HSPH1: variants seen among roughly 807,000 people sequenced by gnomAD.
The protein encoded by HSPH1 is heat shock protein family H (Hsp110) member 1.
Under a neutral mutation model 100.0 loss-of-function variants are expected in HSPH1, and 40 were observed. The observed-to-expected ratio is 0.40, with a 90% CI of 0.31 to 0.52. The LOEUF (loss-of-function observed/expected upper bound fraction) is 0.52. Ranked by LOEUF, HSPH1 falls within the 20% of genes least tolerant of loss-of-function variation. The pLI, the probability that HSPH1 is intolerant of heterozygous loss-of-function variation, is 0.54. For synonymous variants in HSPH1, 403 were observed against 344.0 expected, an observed-to-expected ratio of 1.17 and a Z score of -1.90; for missense variants, 876 against 1,015.1, an observed-to-expected ratio of 0.86 and a Z score of 1.86.
In HSPH1 at chr13:31,135,142, GTTA is replaced by G. The variant is rs1376552958; in HGVS notation, c.*2173_*2175del. 6.6e-6 allele frequency: 1 copy of G among 152,178 alleles called. No homozygotes were observed. The highest frequency in any genetic ancestry group is 1.5e-5 in the Non-Finnish European group (1 of 68,038). 9.4% of individuals were successfully genotyped at this position (152,178 alleles called of 1,614,324 possible). On this transcript the variant is annotated 3_prime_UTR_variant, in exon 18 of 18. Transcript: ENST00000320027. ...CTGTTTGAGCCAATGATATTAATAC[GTTA>G]TTATAAAGTAATCAACATGACAATA...
At chr13:31,143,411 G>A (rs1264316415) in intron 12 of HSPH1, among the ~76,000 whole-genome samples, 3 of 152,054 alleles carry the variant, frequency 2.0e-5, no homozygotes, top group African/African-American at 7.2e-5. Flanking sequence ...GACTCCTATA[G>A]CCCATATATT....
chr13:31,136,274 T>C lies in HSPH1; in HGVS notation c.*1044A>G, dbSNP rs551037250. ...AGTTACAACACTTGACTGTATTTAC[T>C]AATTTCCCTGGCACAGAGTTTTTAA... On this transcript the variant is annotated 3_prime_UTR_variant, in exon 18 of 18. Transcript: ENST00000320027. 6.7e-4 allele frequency: 102 copies of C among 152,306 alleles called. 1 individual carries two copies. Among genetic ancestry groups the C allele is most frequent in the Admixed American group, 1.9e-3 (29 of 15,302 alleles). 9.4% of individuals were successfully genotyped at this position (152,306 alleles called of 1,614,324 possible).
chr13:31,161,426 A>C (rs1956905294), intron 1 of HSPH1, 50 bp downstream of exon 1: 17 of 1,603,252 alleles, frequency 1.1e-5, no homozygotes, highest in Non-Finnish European at 1.4e-5. Flanking sequence ...GGGTCCCCAC[A>C]CTAAGGGCCC....
In HSPH1 at chr13:31,161,803, G is replaced by A. The variant is rs1263175494; in HGVS notation, c.-221C>T. On this transcript the variant is annotated 5_prime_UTR_variant, in exon 1 of 18. Coordinates refer to ENST00000320027, the MANE Select transcript of HSPH1 (RefSeq NM_006644.4). Reference sequence around the variant, plus strand: ...GCGGCTGGCTGATAAGAAACCCTGGGAGAAAGCGGGGCTCAGCCTCCGCAG... The same window carrying A: ...GCGGCTGGCTGATAAGAAACCCTGGAAGAAAGCGGGGCTCAGCCTCCGCAG... 9 of 1,486,556 alleles carry A rather than the reference G, an allele frequency of 6.1e-6. No homozygotes were observed. Among genetic ancestry groups the A allele is most frequent in the South Asian group, 1.3e-5 (1 of 77,656 alleles). The allele number at this position is 1,486,556 out of a possible 1,614,324, so 92.1% of individuals were successfully genotyped here.
chr13:31,155,504 A>G lies in HSPH1; in HGVS notation c.306+10T>C. The G allele has an allele frequency of 6.3e-7, 1 of 1,597,094 alleles. No homozygotes were observed. Among genetic ancestry groups the G allele is most frequent in the Non-Finnish European group, 8.5e-7 (1 of 1,171,966 alleles). On this transcript the variant is annotated intron_variant, in intron 3 of 17. Coordinates refer to ENST00000320027, the MANE Select transcript of HSPH1 (RefSeq NM_006644.4). ...GTTGGTATTTTTCTAAGGTTGCTCA[A>G]TTATATTACCTTTATTCCAACTCCA...
intron 1 of HSPH1, 109 bp downstream of exon 1, chr13:31,161,367 C>T: frequency 6.6e-7 from 1 of 1,506,514 alleles, no homozygotes; most frequent in African/African-American, 1.4e-5. Context: ...CGCCGCTGCC[C>T]AAACGCCTCC....
At chr13:31,157,770 G>C (rs189916455) in intron 2 of HSPH1, among the ~76,000 whole-genome samples, 1 of 152,126 alleles carries the variant, frequency 6.6e-6, no homozygotes. Context: ...AGAATTATAT[G>C]TAAGTCATAA....
rs141726642 is a variant in HSPH1 at position 31,161,561 on chromosome 13, C to A, written c.22G>T (p.Val8Leu). 5.0e-6 allele frequency: 8 copies of A among 1,613,728 alleles called. No individual in the cohort carries two copies. The highest frequency in any genetic ancestry group is 6.8e-6 in the Non-Finnish European group (8 of 1,179,858). MSVVGLD[V>L]GSQSCYIAVA... ...GCGATGTAGCAGCTCTGCGAGCCCA[C>A]GTCCAACCCCACCACCGACATGGCC... is the stretch of plus-strand genomic sequence containing the variant. The change falls in exon 1 of 18, where the codon GTG becomes TTG. Residue 8 changes from valine to leucine, a missense_variant. Coordinates refer to ENST00000320027, the MANE Select transcript of HSPH1 (RefSeq NM_006644.4).
intron 11 of HSPH1, among the ~76,000 whole-genome samples, chr13:31,144,356 C>A (rs1387525915): frequency 6.6e-6 from 1 of 152,114 alleles, no homozygotes; most frequent in Non-Finnish European, 1.5e-5. Flanking sequence ...ATTTACTAAA[C>A]AGTTACATAA....
upstream of HSPH1, chr13:31,161,971 C>G: frequency 6.5e-7 from 1 of 1,536,042 alleles, no homozygotes. Context: ...GAATCTGCGG[C>G]ATTTACTCAC....
upstream of HSPH1, chr13:31,162,381 A>T: frequency 3.9e-6 from 2 of 516,924 alleles, no homozygotes; most frequent in South Asian, 4.3e-5. Context: ...TCCCGCTGGG[A>T]GAAGTGTGCG....
intron 2 of HSPH1, among the ~76,000 whole-genome samples, 180 bp from the exon 3 acceptor site, chr13:31,155,834 T>C (rs1956667700): frequency 6.6e-6 from 1 of 152,226 alleles, no homozygotes; most frequent in South Asian, 2.1e-4. Context: ...ATTTATACTT[T>C]TTCCTTCTCC....
Position 31,148,410 on chromosome 13 carries a change from G to A in HSPH1, c.1208C>T (p.Ser403Phe), listed in dbSNP as rs765314370. 3.8e-6 allele frequency: 6 copies of A among 1,583,930 alleles called. No individual in the cohort carries two copies. Among genetic ancestry groups the A allele is most frequent in the South Asian group, 1.1e-5 (1 of 87,538 alleles). The change falls in exon 9 of 18, where the codon TCT becomes TTT. Residue 403 changes from serine to phenylalanine, a missense_variant. Ser to Phe is a radical substitution (Grantham distance 155). Transcript: ENST00000320027. ...SVTDAVPFPI[S>F]LIWNHDSEDT... Reference sequence around the variant, plus strand: ...TTCTGAATCATGGTTCCAGATCAGAGATATTGGAAAAGGAACTGCATCTGT... The same window carrying A: ...TTCTGAATCATGGTTCCAGATCAGAAATATTGGAAAAGGAACTGCATCTGT...
Position 31,152,896 on chromosome 13 carries a change from A to G in HSPH1, c.485T>C (p.Ile162Thr). ...ERRSVLDAAQ[I>T]VGLNCLRLMN... ...AAGTCTTAAACAGTTTAGGCCAACAATCTGTGCAGCATCTAACACAGATCG... is the reference window on the plus strand; with the variant it reads ...AAGTCTTAAACAGTTTAGGCCAACAGTCTGTGCAGCATCTAACACAGATCG... Residue 162 changes from isoleucine to threonine, a missense_variant, in exon 5 of 18, where the codon ATT becomes ACT. By Grantham distance (89) the Ile-to-Thr change is moderately conservative. Transcript: ENST00000320027. The G allele has an allele frequency of 6.2e-7, 1 of 1,612,852 alleles. No individual in the cohort carries two copies. Among genetic ancestry groups the G allele is most frequent in the Non-Finnish European group, 8.5e-7 (1 of 1,179,012 alleles).
intron 17 of HSPH1, 148 bp from the exon 18 acceptor site, chr13:31,137,672 C>T (rs1306089093): frequency 1.6e-6 from 1 of 641,482 alleles, no homozygotes; most frequent in Non-Finnish European, 2.7e-6. Context: ...TTGCCCCAAA[C>T]CACAGTTTAC....
chr13:31,160,322 A>C (rs1286089899), intron 1 of HSPH1, among the ~76,000 whole-genome samples: 1 of 152,246 alleles, frequency 6.6e-6, no homozygotes, highest in Non-Finnish European at 1.5e-5. Flanking sequence ...TGCTCAGAAC[A>C]GTCTTCCTAA....
At chr13:31,153,402 C>T (rs527427236) in intron 4 of HSPH1, among the ~76,000 whole-genome samples, 1 of 152,198 alleles carries the variant, frequency 6.6e-6, no homozygotes, top group Non-Finnish European at 1.5e-5. Context: ...CTAATTCTAA[C>T]ATATGCCACC....
In HSPH1 at chr13:31,137,026, T is replaced by TC. The variant is rs941176071; in HGVS notation, c.*291dup. On this transcript the variant is annotated 3_prime_UTR_variant, in exon 18 of 18. Transcript: ENST00000320027. ...CTTGAACAAGCAGTACAGTTTTTTT[T>TC]CTCCAAAAGACAAAAGTCAGTTTCA... 1 of 516,814 alleles carries TC rather than the reference T, an allele frequency of 1.9e-6. No individual in the cohort carries two copies. The highest frequency in any genetic ancestry group is 2.0e-5 in the African/African-American group (1 of 50,868). The allele number at this position is 516,814 out of a possible 1,614,324, so 32.0% of individuals were successfully genotyped here. A position where few individuals can be genotyped will look rare whatever the true frequency, so the allele number is the denominator to read the frequency against.
At chr13:31,149,760 G>A (rs1373460631) in intron 8 of HSPH1, among the ~76,000 whole-genome samples, 194 bp downstream of exon 8, 8 of 152,112 alleles carry the variant, frequency 5.3e-5, no homozygotes, top group African/African-American at 1.9e-4. Context: ...ACACCAGCTT[G>A]GTAGTTCTTT....
Sources: gnomAD v4.1 joint callset for allele counts (sites outside exome capture counted in the v4.1 genomes callset) on GRCh38, gnomAD v4.1.1 for gene constraint, MANE v1.5 for transcripts, NCBI Gene and HGNC (gene_info 2026-07-23, HGNC 2026-07-21) for gene names.